Variants in PLCG2 observed in about 807,000 individuals in gnomAD.
PLCG2 encodes the protein 1-phosphatidylinositol 4,5-bisphosphate phosphodiesterase gamma-2.
A neutral mutation model predicts 175.6 loss-of-function variants in PLCG2; 69 were observed. That is an observed-to-expected ratio of 0.39 (90% CI 0.32 to 0.48). The LOEUF (loss-of-function observed/expected upper bound fraction) is 0.48, where lower values mean the gene tolerates loss of function less well. PLCG2 is among the 20% of genes least tolerant of loss of function. The probability of loss-of-function intolerance (pLI) is 0.91; values close to 1 mark genes in which losing one functional copy is unlikely to be tolerated. For synonymous variants in PLCG2, 827 were observed against 624.0 expected, an observed-to-expected ratio of 1.33 and a Z score of -4.85; for missense variants, 1,798 against 1,650.9, an observed-to-expected ratio of 1.09 and a Z score of -1.54.
At chr16:81,767,515 C>T (rs1910177578) in intron 2 of PLCG2, 1 of 152,282 alleles carries the variant, frequency 6.6e-6, no homozygotes, top group Middle Eastern at 3.4e-3. Flanking sequence ...GCCTTCCCAA[C>T]CTGCACTGAT....
At chr16:81,764,420 T>C (rs1355334575) in intron 2 of PLCG2, among the ~76,000 whole-genome samples, 1 of 152,236 alleles carries the variant, frequency 6.6e-6, no homozygotes, top group Non-Finnish European at 1.5e-5. Context: ...TAGAAGAGCA[T>C]GTGGGATGGA....
At chr16:81,932,522 C>T (rs1450032991) in intron 25 of PLCG2, among the ~76,000 whole-genome samples, 3 of 152,212 alleles carry the variant, frequency 2.0e-5, no homozygotes, top group Middle Eastern at 3.2e-3. Flanking sequence ...CTGATTAAAG[C>T]CTTCCTGGGG....
At chr16:81,878,170 G>C (rs577954140) in intron 7 of PLCG2, among the ~76,000 whole-genome samples, 1 of 151,518 alleles carries the variant, frequency 6.6e-6, no homozygotes, top group Non-Finnish European at 1.5e-5. Context: ...TTTTTTAGTA[G>C]AGATGGGGTT....
At chr16:81,937,704 G>T (rs1206510167) in intron 27 of PLCG2, 54 bp from the exon 28 acceptor site, 7 of 1,547,750 alleles carry the variant, frequency 4.5e-6, no homozygotes, top group Middle Eastern at 1.7e-4. Flanking sequence ...TCCTGGCCTA[G>T]GGGGCCAGCG....
chr16:81,797,050 A>G (rs1911502062), intron 2 of PLCG2, among the ~76,000 whole-genome samples: 1 of 152,194 alleles, frequency 6.6e-6, no homozygotes, highest in African/African-American at 2.4e-5. Flanking sequence ...TCCACGTGTC[A>G]TGTTATTTTC....
intron 9 of PLCG2, among the ~76,000 whole-genome samples, chr16:81,886,799 C>A (rs1328601739): frequency 6.6e-6 from 1 of 152,170 alleles, no homozygotes; most frequent in Admixed American, 6.5e-5. Flanking sequence ...AGATGAGACA[C>A]CGTGTGGGGC....
At chr16:81,917,643 T>C (rs537663495) in intron 19 of PLCG2, among the ~76,000 whole-genome samples, 5 of 152,370 alleles carry the variant, frequency 3.3e-5, no homozygotes, top group African/African-American at 1.2e-4. Context: ...TTAGTGATGC[T>C]GAACATTTTT....
intron 2 of PLCG2, among the ~76,000 whole-genome samples, chr16:81,764,379 C>T (rs1237729103): frequency 1.3e-5 from 2 of 152,194 alleles, no homozygotes; most frequent in Admixed American, 1.3e-4. Context: ...TGGACCCCAT[C>T]TCTCCATGGA....
intron 2 of PLCG2, among the ~76,000 whole-genome samples, chr16:81,812,131 G>A (rs922281291): frequency 3.7e-4 from 52 of 142,148 alleles, no homozygotes; most frequent in African/African-American, 1.3e-3. Context: ...CTCACTGCAA[G>A]CTCCGCCTCC....
At chr16:81,814,780 G>C (rs1359759232) in intron 2 of PLCG2, among the ~76,000 whole-genome samples, 1 of 152,156 alleles carries the variant, frequency 6.6e-6, no homozygotes, top group Non-Finnish European at 1.5e-5. Flanking sequence ...CTGTCTCACT[G>C]TTCCCTTGCT....
chr16:81,868,829 C>T (rs572614433), intron 5 of PLCG2, among the ~76,000 whole-genome samples: 1 of 152,386 alleles, frequency 6.6e-6, no homozygotes, highest in Admixed American at 6.5e-5. Context: ...GAGACCAGCC[C>T]TTCTCACTGG....
chr16:81,747,483 T>A (rs1291867873), intron 1 of PLCG2, among the ~76,000 whole-genome samples: 1 of 151,956 alleles, frequency 6.6e-6, no homozygotes, highest in African/African-American at 2.4e-5. Flanking sequence ...TGCAGTGAGG[T>A]GAGATTGTGC....
At chr16:81,866,209 C>G (rs1400894762) in intron 5 of PLCG2, among the ~76,000 whole-genome samples, 5 of 117,720 alleles carry the variant, frequency 4.2e-5, no homozygotes. Context: ...CACTGGGGCA[C>G]CAGCATGAGA....
At position 81,962,551 on chromosome 16, in the gene PLCG2, T is replaced by C. The variant is rs1911814979; in HGVS notation, c.*4553T>C. 1 of 218,822 alleles carries C rather than the reference T, an allele frequency of 4.6e-6. No individual in the cohort carries two copies. The highest frequency in any genetic ancestry group is 2.2e-5 in the African/African-American group (1 of 44,552). 13.6% of individuals were successfully genotyped at this position (218,822 alleles called of 1,614,324 possible). A position where few individuals can be genotyped will look rare whatever the true frequency, so the allele number is the denominator to read the frequency against. Reference sequence around the variant, plus strand: ...TGTTTCATTATTAAAGCTTAATTTATTTTTTATATAAATAGTATGTGCTTT... The same window carrying C: ...TGTTTCATTATTAAAGCTTAATTTACTTTTTATATAAATAGTATGTGCTTT... On this transcript the variant is annotated 3_prime_UTR_variant, in exon 33 of 33. Transcript: ENST00000564138.
chr16:81,857,406 A>G lies in PLCG2; in HGVS notation c.338-857A>G, dbSNP rs530633849. ...TCTTGTTTAAAATCCTGTATCTTCC[A>G]CTGTCTCAGTGTGCTCTGGCTACTG... On this transcript the variant is annotated intron_variant, in intron 3 of 32. Coordinates refer to ENST00000564138, the MANE Select transcript of PLCG2 (RefSeq NM_002661.5). 1.2e-4 allele frequency among the ~76,000 whole-genome samples: 18 copies of G among 152,308 alleles called. No individual in the cohort carries two copies. In the Middle Eastern group the frequency reaches 0.014, roughly 115 times the overall value.
intron 4 of PLCG2, 30 bp from the exon 5 acceptor site, chr16:81,859,086 C>T (rs776178731): frequency 7.0e-7 from 1 of 1,418,612 alleles, no homozygotes; most frequent in Non-Finnish European, 1.0e-6. Context: ...TTCTCTTTCT[C>T]TCTTTCTTTT....
intron 5 of PLCG2, among the ~76,000 whole-genome samples, chr16:81,860,138 A>G (rs1385575916): frequency 8.5e-6 from 1 of 117,326 alleles, no homozygotes; most frequent in African/African-American, 3.2e-5. Flanking sequence ...TGCCTGGCTT[A>G]TTTACTATTA....
At chr16:81,759,252 C>G (rs1909990712) in intron 2 of PLCG2, among the ~76,000 whole-genome samples, 1 of 152,086 alleles carries the variant, frequency 6.6e-6, no homozygotes, top group Admixed American at 6.6e-5. Context: ...GGCTCCAGTT[C>G]CTTCTCATTG....
chr16:81,923,834 T>G (rs981151826), intron 22 of PLCG2, among the ~76,000 whole-genome samples: 5 of 152,212 alleles, frequency 3.3e-5, no homozygotes, highest in Non-Finnish European at 7.3e-5. Flanking sequence ...TTATTATAAT[T>G]ACAACAGCAG....
Sources: gnomAD v4.1 joint callset for allele counts (sites outside exome capture counted in the v4.1 genomes callset) on GRCh38, gnomAD v4.1.1 for gene constraint, MANE v1.5 for transcripts, NCBI Gene and HGNC (gene_info 2026-07-23, HGNC 2026-07-21) for gene names.